LOC400499: variants seen among roughly 807,000 people sequenced by gnomAD.
the LOC400499 span, among the ~76,000 whole-genome samples, chr16:11,482,559 A>G: frequency 3.3e-5 from 5 of 152,154 alleles, no homozygotes; most frequent in African/African-American, 1.2e-4. Flanking sequence ...TACACCACAG[A>G]CTGGGAGAAA....
At chr16:11,485,552 T>A in the LOC400499 span, among the ~76,000 whole-genome samples, 5 of 152,154 alleles carry the variant, frequency 3.3e-5, no homozygotes, top group Non-Finnish European at 5.9e-5. Flanking sequence ...CCTCCCGTCT[T>A]CCATCTGCCC....
the LOC400499 span, among the ~76,000 whole-genome samples, chr16:11,466,532 G>A: frequency 1.4e-4 from 22 of 152,156 alleles, no homozygotes; most frequent in South Asian, 1.5e-3. Context: ...GGGATTACAG[G>A]AGCCTGCCAC....
chr16:11,442,674 G>T, the LOC400499 span, among the ~76,000 whole-genome samples: 3 of 152,280 alleles, frequency 2.0e-5, no homozygotes, highest in African/African-American at 7.2e-5. Flanking sequence ...GGAAATCTGG[G>T]TTTTACTCAA....
the LOC400499 span, among the ~76,000 whole-genome samples, chr16:11,403,443 G>A: frequency 2.0e-5 from 3 of 152,026 alleles, no homozygotes; most frequent in Non-Finnish European, 4.4e-5. Context: ...ACACGTGCAT[G>A]TATACACACA....
the LOC400499 span, among the ~76,000 whole-genome samples, chr16:11,396,938 G>C: frequency 6.6e-6 from 1 of 152,180 alleles, no homozygotes; most frequent in South Asian, 2.1e-4. Context: ...CCTCAAGGCA[G>C]AGTTGTGCCT....
the LOC400499 span, among the ~76,000 whole-genome samples, chr16:11,490,315 G>A: frequency 6.8e-6 from 1 of 147,846 alleles, no homozygotes; most frequent in Non-Finnish European, 1.5e-5. Flanking sequence ...GGAATTGCCT[G>A]AACCCAGAAG....
chr16:11,385,221 G>A, the LOC400499 span: 7 of 1,232,316 alleles, frequency 5.7e-6, no homozygotes, highest in Non-Finnish European at 6.1e-6. Context: ...CTGCAGACTG[G>A]GGTAGAGGAT....
the LOC400499 span, among the ~76,000 whole-genome samples, chr16:11,449,947 C>T: frequency 1.4e-4 from 21 of 152,360 alleles, no homozygotes; most frequent in Non-Finnish European, 2.2e-4. Flanking sequence ...GGGCAGGAGC[C>T]GGCTAGCCGA....
chr16:11,469,526 T>C, the LOC400499 span: 1 of 399,074 alleles, frequency 2.5e-6, no homozygotes, highest in Non-Finnish European at 4.4e-6. Context: ...TCGATTTTCT[T>C]CTTGGGATGG....
chr16:11,473,755 C>CA, the LOC400499 span, among the ~76,000 whole-genome samples: 106 of 139,066 alleles, frequency 7.6e-4, 2 homozygotes, highest in Middle Eastern at 3.7e-3. Context: ...AACTCTGTCT[C>CA]AAAAAAAAAA....
At chr16:11,501,843 C>T in the LOC400499 span, among the ~76,000 whole-genome samples, 2 of 152,186 alleles carry the variant, frequency 1.3e-5, no homozygotes, top group African/African-American at 4.8e-5. Context: ...GGCCCTTCAG[C>T]TTCTGGTCTC....
chr16:11,396,554 T>C, the LOC400499 span: 4 of 1,231,560 alleles, frequency 3.2e-6, no homozygotes, highest in African/African-American at 1.6e-5. Context: ...CCTGCTGTGG[T>C]TTTGGAGGGT....
the LOC400499 span, among the ~76,000 whole-genome samples, chr16:11,467,914 T>A: frequency 6.6e-6 from 1 of 152,110 alleles, no homozygotes; most frequent in Non-Finnish European, 1.5e-5. Flanking sequence ...TGAACCCTAA[T>A]CCCGTTTGCC....
the LOC400499 span, among the ~76,000 whole-genome samples, chr16:11,451,862 A>G: frequency 6.6e-6 from 1 of 152,160 alleles, no homozygotes; most frequent in African/African-American, 2.4e-5. Context: ...AGTTGAGAAT[A>G]GGGAGACATT....
At chr16:11,398,652 C>T in the LOC400499 span, 2 of 553,766 alleles carry the variant, frequency 3.6e-6, no homozygotes, top group African/African-American at 2.0e-5. Flanking sequence ...CACCCCCTTA[C>T]ACTCTGCGGC....
At chr16:11,479,745 A>G in the LOC400499 span, among the ~76,000 whole-genome samples, 76 of 152,294 alleles carry the variant, frequency 5.0e-4, no homozygotes, top group African/African-American at 1.7e-3. Flanking sequence ...CATGGTGCAA[A>G]CTAACAAACC....
At chr16:11,431,263 G>C in the LOC400499 span, 150,841 of 398,832 alleles carry the variant, frequency 0.38, 32,678 homozygotes, top group Non-Finnish European at 0.46. Flanking sequence ...AAGATCATGG[G>C]CTTTGTAGTC....
the LOC400499 span, chr16:11,523,584 C>A: frequency 2.5e-6 from 1 of 395,618 alleles, no homozygotes; most frequent in Non-Finnish European, 4.5e-6. Context: ...AATGATAATG[C>A]CAGCTCTCCC....
At chr16:11,388,896 G>A in the LOC400499 span, among the ~76,000 whole-genome samples, 9 of 152,182 alleles carry the variant, frequency 5.9e-5, no homozygotes, top group African/African-American at 2.2e-4. Context: ...AGACCAGCCT[G>A]GCTAATATGG....
Sources: allele counts gnomAD v4.1 joint callset (sites outside exome capture counted in the v4.1 genomes callset), GRCh38; gene constraint gnomAD v4.1.1; transcripts MANE v1.5.